CDH11: variants seen among roughly 807,000 people sequenced by gnomAD.
The protein encoded by CDH11 is cadherin 11.
In CDH11, 11 loss-of-function variants were observed where a neutral mutation model predicts 67.8. That is an observed-to-expected ratio of 0.16 (90% CI 0.10 to 0.27). The LOEUF is 0.27. CDH11 is among the 10% of genes least tolerant of loss of function. The pLI is 1.00. For synonymous variants in CDH11, 419 were observed against 400.0 expected (o/e 1.05, Z -0.57); for missense variants, 847 against 1,031.2 (o/e 0.82, Z 2.45).
intron 2 of CDH11, among the ~76,000 whole-genome samples, chr16:65,008,641 C>A: frequency 1.3e-5 from 2 of 152,282 alleles, no homozygotes; most frequent in South Asian, 4.1e-4. Context: ...CAGACTTACG[C>A]TTCTAGTAAA....
At chr16:64,976,117 A>G (rs1251735008) in intron 8 of CDH11, among the ~76,000 whole-genome samples, 1 of 152,222 alleles carries the variant, frequency 6.6e-6, no homozygotes, top group Non-Finnish European at 1.5e-5. Context: ...TGCACAACAG[A>G]CAGTATCATA....
rs367827121 is a variant in CDH11 at position 64,988,312 on chromosome 16, C to T, written c.844G>A (p.Val282Ile). The T allele has an allele frequency of 3.0e-5, 48 of 1,613,210 alleles. No individual in the cohort carries two copies. The highest frequency in any genetic ancestry group is 1.6e-4 in the Middle Eastern group (1 of 6,074). ...VYQMSVSEAA[V>I]PGEEVGRVKA... is the part of the protein sequence containing the mutation. Reference sequence around the variant, plus strand: ...ACTCTTCCTACTTCCTCCCCAGGGACGGCTGCTTCTGACACAGACATCTGG... The same window carrying T: ...ACTCTTCCTACTTCCTCCCCAGGGATGGCTGCTTCTGACACAGACATCTGG... Residue 282 changes from valine (V) to isoleucine (I), a missense_variant, in exon 7 of 13, where the codon GTC becomes ATC. Physicochemically the swap from Val to Ile is conservative, Grantham distance 29 (BLOSUM62 3). Around this residue, in one of 2 missense-constraint regions of CDH11, gnomAD observed 612 missense variants for 678.7 expected, o/e 0.90. Transcript: ENST00000268603.
rs141438782 is a variant in CDH11, at chr16:64,978,943, A to G, written c.1253+3105T>C. Among the ~76,000 whole-genome samples, 339 of 152,324 alleles carry G rather than the reference A, an allele frequency of 2.2e-3. 3 individuals carry two copies. The highest frequency in any genetic ancestry group is 7.5e-3 in the African/African-American group (311 of 41,564). ...AGAATTCCTCAAAATTAAAACTTTT[A>G]TGCCTCAAAGGACACTATTAAGAAA... On this transcript the variant is annotated intron_variant, in intron 8 of 12. Coordinates refer to ENST00000268603, the MANE Select transcript of CDH11 (RefSeq NM_001797.4).
chr16:65,082,539 G>A (rs1042954490), intron 1 of CDH11, among the ~76,000 whole-genome samples: 4 of 152,142 alleles, frequency 2.6e-5, no homozygotes, highest in Admixed American at 6.5e-5. Context: ...CTCAACCCAC[G>A]TGTAAAATGT....
At chr16:65,014,293 T>A (rs1282216027) in intron 2 of CDH11, among the ~76,000 whole-genome samples, 1 of 149,346 alleles carries the variant, frequency 6.7e-6, no homozygotes, top group Non-Finnish European at 1.5e-5. Context: ...TAATTTTAAA[T>A]TTTCTAGAAG....
At chr16:64,981,097 C>CTT (rs71376752) in intron 8 of CDH11, 2,702 of 116,312 alleles carry the variant, frequency 0.023, 379 homozygotes, top group African/African-American at 0.097. Flanking sequence ...TTCTTTCTTT[C>CTT]TTTTTTTTTT....
intron 2 of CDH11, among the ~76,000 whole-genome samples, chr16:65,027,854 C>G (rs950371153): frequency 6.6e-6 from 1 of 152,180 alleles, no homozygotes; most frequent in African/African-American, 2.4e-5. Context: ...TAAACCTCAG[C>G]AATCTAATCT....
chr16:65,093,170 T>TCAAGTGAC (rs1377395767), intron 1 of CDH11, among the ~76,000 whole-genome samples: 1 of 150,766 alleles, frequency 6.6e-6, no homozygotes, highest in Admixed American at 6.6e-5. Flanking sequence ...ACTCCTGGCC[T>TCAAGTGAC]CAAGTGACCT....
intron 1 of CDH11, among the ~76,000 whole-genome samples, chr16:65,063,807 A>G (rs2074269127): frequency 6.6e-6 from 1 of 152,300 alleles, no homozygotes; most frequent in East Asian, 1.9e-4. Flanking sequence ...GGCATTGGGT[A>G]CCAGGGTGGA....
chr16:64,948,415 T>C, intron 12 of CDH11: 4 of 613,592 alleles, frequency 6.5e-6, no homozygotes, highest in Non-Finnish European at 1.2e-5. Context: ...ATTCTAAATA[T>C]GTTGGTCTGT....
intron 1 of CDH11, among the ~76,000 whole-genome samples, chr16:65,093,304 C>T (rs1468122747): frequency 2.0e-5 from 3 of 150,406 alleles, no homozygotes; most frequent in Non-Finnish European, 4.4e-5. Flanking sequence ...ATTTCTGAGA[C>T]CCAAAGACTA....
chr16:65,104,780 G>A (rs781002432), intron 1 of CDH11, among the ~76,000 whole-genome samples: 5 of 152,106 alleles, frequency 3.3e-5, no homozygotes, highest in Non-Finnish European at 7.4e-5. Context: ...AAGGCATAGC[G>A]AATTATGGAG....
intron 2 of CDH11, among the ~76,000 whole-genome samples, chr16:65,030,742 T>C (rs1250645179): frequency 6.6e-6 from 1 of 152,166 alleles, no homozygotes; most frequent in Admixed American, 6.5e-5. Flanking sequence ...GGCTAATTTT[T>C]GTATTTTTAG....
At chr16:64,951,113 A>G in intron 11 of CDH11, 95 bp from the exon 12 acceptor site, 4 of 1,251,766 alleles carry the variant, frequency 3.2e-6, no homozygotes, top group Non-Finnish European at 4.5e-6. Context: ...CTCTCTTATC[A>G]TAAAGGTTAA....
chr16:65,110,084 T>G (rs1004936839), intron 1 of CDH11, among the ~76,000 whole-genome samples: 1 of 152,164 alleles, frequency 6.6e-6, no homozygotes, highest in Non-Finnish European at 1.5e-5. Flanking sequence ...TTGCCCAAGC[T>G]GGTCTCAAAC....
chr16:65,092,073 C>T (rs1233789224), intron 1 of CDH11, among the ~76,000 whole-genome samples: 1 of 152,164 alleles, frequency 6.6e-6, no homozygotes, highest in Non-Finnish European at 1.5e-5. Context: ...GTGAGATTGT[C>T]CTGTCATAGA....
At chr16:64,953,170 T>C (rs917899866) in intron 11 of CDH11, among the ~76,000 whole-genome samples, 5 of 152,054 alleles carry the variant, frequency 3.3e-5, no homozygotes, top group African/African-American at 1.2e-4. Flanking sequence ...TCCCCAAATA[T>C]ATTTGATGTT....
intron 2 of CDH11, among the ~76,000 whole-genome samples, chr16:65,045,051 G>A (rs1406105858): frequency 1.3e-5 from 2 of 151,810 alleles, no homozygotes; most frequent in Non-Finnish European, 2.9e-5. Flanking sequence ...TGCTCCGGCT[G>A]AAACCACTAG....
chr16:64,995,106 T>G (rs868107128), intron 4 of CDH11, among the ~76,000 whole-genome samples: 29 of 152,144 alleles, frequency 1.9e-4, no homozygotes, highest in African/African-American at 6.3e-4. Flanking sequence ...ATTGATTCTT[T>G]CAACCCATGA....
Sources: gnomAD v4.1 joint callset for allele counts (sites outside exome capture counted in the v4.1 genomes callset) on GRCh38, gnomAD v4.1.1 for gene constraint, gnomAD v4.1.1 regional missense constraint, MANE v1.5 for transcripts, NCBI Gene and HGNC (gene_info 2026-07-23, HGNC 2026-07-21) for gene names.